Variants in ANKS1B observed in about 807,000 individuals in gnomAD.
ANKS1B encodes the protein ankyrin repeat and sterile alpha motif domain containing 1B.
Under a neutral mutation model 148.3 loss-of-function variants are expected in ANKS1B, and 36 were observed. The ratio of observed to expected loss-of-function variants is 0.24; its 90% CI spans 0.19 to 0.32. The LOEUF (loss-of-function observed/expected upper bound fraction) is 0.32, where lower values mean the gene tolerates loss of function less well. ANKS1B is among the 10% of genes least tolerant of loss of function. ANKS1B has a pLI of 1.00. For synonymous variants in ANKS1B, 542 were observed against 560.8 expected (o/e 0.97, Z 0.47); for missense variants, 1,157 against 1,542.6 (o/e 0.75, Z 4.19).
At chr12:99,228,521 A>G (rs1029804775) in intron 14 of ANKS1B, among the ~76,000 whole-genome samples, 2 of 152,124 alleles carry the variant, frequency 1.3e-5, no homozygotes, top group African/African-American at 4.8e-5. Context: ...AACATTTACA[A>G]GAAGGGTAAA....
intron 12 of ANKS1B, among the ~76,000 whole-genome samples, chr12:99,327,262 A>G (rs1368173945): frequency 1.7e-5 from 2 of 118,140 alleles, no homozygotes; most frequent in Non-Finnish European, 3.2e-5. Flanking sequence ...TAATTATATA[A>G]ATAATTATAA....
chr12:98,756,556 C>CAAAAAAAAAA (rs536086383), intron 25 of ANKS1B, among the ~76,000 whole-genome samples: 3 of 104,540 alleles, frequency 2.9e-5, no homozygotes, highest in East Asian at 3.2e-4. Context: ...ACTAAAAATA[C>CAAAAAAAAAA]AAAAAAAAAA....
chr12:99,004,416 C>T (rs1749884098), intron 17 of ANKS1B, among the ~76,000 whole-genome samples: 1 of 152,030 alleles, frequency 6.6e-6, no homozygotes, highest in South Asian at 2.1e-4. Context: ...GTAAAGAGCA[C>T]AGAGTAAGCA....
chr12:99,906,857 T>C (rs17029846), intron 1 of ANKS1B, among the ~76,000 whole-genome samples: 29,399 of 152,124 alleles, frequency 0.19, 3,064 homozygotes, highest in Non-Finnish European at 0.24. Context: ...AAATAAAACA[T>C]AGCCTCTGCC....
intron 9 of ANKS1B, among the ~76,000 whole-genome samples, chr12:99,579,023 A>T (rs951366718): frequency 3.3e-5 from 5 of 152,146 alleles, no homozygotes; most frequent in Admixed American, 6.6e-5. Context: ...GGAACAGATT[A>T]AAAAACCCAG....
chr12:99,256,836 A>T (rs2075312067), intron 12 of ANKS1B, among the ~76,000 whole-genome samples: 1 of 152,062 alleles, frequency 6.6e-6, no homozygotes, highest in Non-Finnish European at 1.5e-5. Flanking sequence ...CTGTTTATTT[A>T]TCCTGCTTGG....
chr12:99,403,006 G>A (rs1430193712), intron 11 of ANKS1B, among the ~76,000 whole-genome samples: 1 of 144,802 alleles, frequency 6.9e-6, no homozygotes, highest in Non-Finnish European at 1.5e-5. Context: ...TTTAATAATA[G>A]CCATTCTGAA....
intron 12 of ANKS1B, among the ~76,000 whole-genome samples, chr12:99,253,003 C>T (rs1267240824): frequency 6.6e-6 from 1 of 152,142 alleles, no homozygotes; most frequent in African/African-American, 2.4e-5. Flanking sequence ...GCGAGAGGAT[C>T]ACTTAAGCCC....
chr12:99,301,242 G>T (rs2081559847), intron 12 of ANKS1B, among the ~76,000 whole-genome samples: 2 of 152,148 alleles, frequency 1.3e-5, no homozygotes, highest in African/African-American at 4.8e-5. Context: ...TTTACTCAGT[G>T]TACTGATTCA....
intron 22 of ANKS1B, among the ~76,000 whole-genome samples, chr12:98,793,629 G>A (rs1027977165): frequency 6.6e-6 from 1 of 152,108 alleles, no homozygotes; most frequent in Non-Finnish European, 1.5e-5. Flanking sequence ...CCCAAACATT[G>A]CAATAGCAAA....
intron 1 of ANKS1B, among the ~76,000 whole-genome samples, chr12:99,977,614 T>A (rs999021877): frequency 2.6e-5 from 4 of 152,200 alleles, no homozygotes; most frequent in Admixed American, 6.5e-5. Flanking sequence ...TTAACACAAA[T>A]GTAAAATGTA....
At chr12:99,329,680 C>G (rs1471075733) in intron 12 of ANKS1B, among the ~76,000 whole-genome samples, 1 of 151,548 alleles carries the variant, frequency 6.6e-6, no homozygotes, top group African/African-American at 2.4e-5. Flanking sequence ...AAATTATAAG[C>G]CTTAAAAATC....
intron 9 of ANKS1B, among the ~76,000 whole-genome samples, chr12:99,546,236 C>A (rs1324007691): frequency 6.6e-6 from 1 of 152,096 alleles, no homozygotes; most frequent in Non-Finnish European, 1.5e-5. Flanking sequence ...AAATACAAAT[C>A]TATCAAATAA....
chr12:99,099,651 C>T (rs891943313), intron 15 of ANKS1B: 1 of 152,162 alleles, frequency 6.6e-6, no homozygotes. Flanking sequence ...GATAAAAACA[C>T]AAAATATAAA....
chr12:99,827,838 T>C (rs1039795991), intron 1 of ANKS1B, among the ~76,000 whole-genome samples: 1 of 152,112 alleles, frequency 6.6e-6, no homozygotes, highest in Admixed American at 6.6e-5. Context: ...AATTTGGCAG[T>C]TTCTTAAAAA....
intron 8 of ANKS1B, among the ~76,000 whole-genome samples, chr12:99,692,091 T>C (rs1408902284): frequency 6.6e-6 from 1 of 152,210 alleles, no homozygotes; most frequent in African/African-American, 2.4e-5. Flanking sequence ...AAGTTTTTTA[T>C]AATTTTGCTT....
At chr12:99,792,728 C>T (rs1000367154) in intron 4 of ANKS1B, among the ~76,000 whole-genome samples, 26 of 151,996 alleles carry the variant, frequency 1.7e-4, no homozygotes, top group African/African-American at 6.0e-4. Context: ...GACAGACTCA[C>T]GACTAGTATC....
chr12:99,622,134 C>T (rs1010798842), intron 9 of ANKS1B, among the ~76,000 whole-genome samples: 16 of 151,940 alleles, frequency 1.1e-4, no homozygotes, highest in African/African-American at 3.6e-4. Context: ...AATTAAATAA[C>T]TTTCTGCTGA....
chr12:99,921,819 T>C (rs1053061850), intron 1 of ANKS1B, among the ~76,000 whole-genome samples: 5 of 152,200 alleles, frequency 3.3e-5, no homozygotes, highest in Non-Finnish European at 7.3e-5. Context: ...ATCTCCTGTA[T>C]AAATTTTCAA....
Sources: gnomAD v4.1 joint callset for allele counts (sites outside exome capture counted in the v4.1 genomes callset) on GRCh38, gnomAD v4.1.1 for gene constraint, MANE v1.5 for transcripts, NCBI Gene and HGNC (gene_info 2026-07-23, HGNC 2026-07-21) for gene names.